Variants in KAZN observed in about 807,000 individuals in gnomAD.
KAZN encodes the protein kazrin, periplakin interacting protein, also known as kazrin.
In KAZN, 40 loss-of-function variants were observed where a neutral mutation model predicts 87.4. That is an observed-to-expected ratio of 0.46 (90% CI 0.36 to 0.60). KAZN has a LOEUF of 0.60. Among genes scored for constraint, KAZN ranks in the 20% least tolerant of loss-of-function variants. The probability of loss-of-function intolerance (pLI) is 0.00; values close to 1 mark genes in which losing one functional copy is unlikely to be tolerated. For missense variants in KAZN, 898 were observed against 1,073.9 expected (o/e 0.84, Z 2.29); for synonymous variants, 466 against 458.3 (o/e 1.02, Z -0.22).
chr1:14,623,478 A>G (rs1451425951), intron 1 of KAZN, among the ~76,000 whole-genome samples: 2 of 152,220 alleles, frequency 1.3e-5, no homozygotes, highest in Non-Finnish European at 2.9e-5. Context: ...AGGGTGGAGG[A>G]TCGGAGGAGG....
chr1:14,826,905 G>A (rs114705177), intron 1 of KAZN, among the ~76,000 whole-genome samples: 19 of 152,170 alleles, frequency 1.2e-4, no homozygotes, highest in African/African-American at 4.1e-4. Context: ...CAGACCAAAT[G>A]GGGTTCAGAT....
At chr1:14,801,654 G>T (rs1373429322) in intron 1 of KAZN, among the ~76,000 whole-genome samples, 4 of 151,862 alleles carry the variant, frequency 2.6e-5, no homozygotes, top group East Asian at 1.9e-4. Flanking sequence ...GGGCTGCAAG[G>T]TCTCTCCTAA....
intron 1 of KAZN, among the ~76,000 whole-genome samples, chr1:14,630,600 A>G (rs1343220150): frequency 6.6e-6 from 1 of 152,242 alleles, no homozygotes; most frequent in Non-Finnish European, 1.5e-5. Context: ...TGTGGGAGTT[A>G]AATGAGATGC....
intron 1 of KAZN, among the ~76,000 whole-genome samples, chr1:14,762,197 A>G (rs12072781): frequency 0.075 from 11,352 of 152,204 alleles, 864 homozygotes; most frequent in African/African-American, 0.19. Context: ...CAGAGGGCCA[A>G]GGGACTTTGA....
intron 2 of KAZN, among the ~76,000 whole-genome samples, chr1:14,207,480 A>C (rs192221412): frequency 3.9e-5 from 6 of 152,296 alleles, no homozygotes; most frequent in Non-Finnish European, 8.8e-5. Flanking sequence ...CTTGAAATGA[A>C]GGCAGAATTT....
chr1:15,061,995 T>C (rs1440646289), intron 6 of KAZN: 1 of 152,240 alleles, frequency 6.6e-6, no homozygotes, highest in Admixed American at 6.5e-5. Context: ...TGTGGAGTTA[T>C]ACCTACAGCC....
intron 2 of KAZN, among the ~76,000 whole-genome samples, chr1:14,219,253 G>A (rs1442819035): frequency 1.3e-5 from 2 of 152,086 alleles, no homozygotes; most frequent in Non-Finnish European, 2.9e-5. Context: ...ATAAAAGTGA[G>A]GACAAAGATT....
intron 2 of KAZN, among the ~76,000 whole-genome samples, chr1:14,277,769 C>T (rs569232192): frequency 6.6e-6 from 1 of 152,172 alleles, no homozygotes; most frequent in African/African-American, 2.4e-5. Flanking sequence ...TTCATGTCCC[C>T]TCACACCCGT....
chr1:14,374,363 G>A (rs2101026978), intron 2 of KAZN, among the ~76,000 whole-genome samples: 1 of 152,250 alleles, frequency 6.6e-6, no homozygotes, highest in East Asian at 1.9e-4. Context: ...ACGAATGTTT[G>A]GGGGATCAAG....
chr1:15,048,409 C>T lies in KAZN; in HGVS notation c.726+4250C>T, dbSNP rs897240902. On this transcript the variant is annotated intron_variant, in intron 4 of 14. Transcript: ENST00000376030. ...TGTAACCACACTGGCCCCAAGGGAC[C>T]GCATGTGTGTGTATGTGTGTGTGTG... 3.4e-5 allele frequency among the ~76,000 whole-genome samples: 5 copies of T among 146,426 alleles called. No individual in the cohort carries two copies. In the East Asian group the frequency reaches 7.2e-4, roughly 21 times the overall value.
Position 14,861,128 on chromosome 1 carries a change from AG to A in KAZN, c.227-99555del, listed in dbSNP as rs1196467745. ...TGCAGTGGCTCATGCCTGTAATCTC[AG>A]CACTTTGAGAGGCCAAGGTGGGCAG... On this transcript the variant is annotated intron_variant, in intron 1 of 14. Transcript: ENST00000376030. Among the ~76,000 whole-genome samples, 6 of 152,354 alleles carry A rather than the reference AG, an allele frequency of 3.9e-5. 1 individual carries two copies. In the East Asian group the frequency reaches 9.6e-4, roughly 24 times the overall value.
intron 2 of KAZN, among the ~76,000 whole-genome samples, chr1:14,972,796 G>T (rs544031082): frequency 9.6e-4 from 146 of 152,150 alleles, no homozygotes; most frequent in African/African-American, 3.3e-3. Context: ...ATTACAGGCG[G>T]GAGCCGCTGT....
At chr1:14,403,486 CCA>C (rs1325591045) in intron 2 of KAZN, among the ~76,000 whole-genome samples, 2 of 151,896 alleles carry the variant, frequency 1.3e-5, no homozygotes, top group Non-Finnish European at 2.9e-5. Context: ...GAAAGACAAA[CCA>C]CAGACTCGAA....
chr1:14,129,058 C>T lies in KAZN; in HGVS notation c.92-51377C>T, dbSNP rs138948213. ...TATGGACTCACTTCCCTTGCTCAACCAAGGCCTCCTAAAAGGCACTGATTT... is the reference window on the plus strand; with the variant it reads ...TATGGACTCACTTCCCTTGCTCAACTAAGGCCTCCTAAAAGGCACTGATTT... On this transcript the variant is annotated intron_variant, in intron 1 of 16. Coordinates refer to the KAZN transcript ENST00000636203. 1.2e-3 allele frequency among the ~76,000 whole-genome samples: 182 copies of T among 152,294 alleles called. 2 individuals carry two copies. In the South Asian group the frequency reaches 0.018, roughly 15 times the overall value.
chr1:14,861,454 C>T (rs189889651), intron 1 of KAZN, among the ~76,000 whole-genome samples: 1 of 152,180 alleles, frequency 6.6e-6, no homozygotes, highest in African/African-American at 2.4e-5. Context: ...GTAGGAACAA[C>T]AATGGGATGT....
intron 1 of KAZN, among the ~76,000 whole-genome samples, chr1:13,946,939 A>G (rs1192436763): frequency 6.6e-6 from 1 of 152,164 alleles, no homozygotes; most frequent in Admixed American, 6.5e-5. Context: ...TCCAAAATTA[A>G]GGTATCAGTG....
chr1:14,041,884 G>T (rs1202465193), intron 1 of KAZN, among the ~76,000 whole-genome samples: 7 of 152,118 alleles, frequency 4.6e-5, no homozygotes, highest in African/African-American at 7.2e-5. Flanking sequence ...CAATTCTGAA[G>T]GTATTGTTTA....
chr1:14,394,084 G>C (rs1005126246), intron 2 of KAZN, among the ~76,000 whole-genome samples: 7 of 152,200 alleles, frequency 4.6e-5, no homozygotes, highest in African/African-American at 1.7e-4. Context: ...CAAATGGGCA[G>C]GACGGAAGAA....
At chr1:14,034,511 C>T (rs1210935182) in intron 1 of KAZN, among the ~76,000 whole-genome samples, 1 of 152,186 alleles carries the variant, frequency 6.6e-6, no homozygotes, top group Non-Finnish European at 1.5e-5. Context: ...CGAGCTGGGT[C>T]ACGCACAATT....
Sources: gnomAD v4.1 joint callset for allele counts (sites outside exome capture counted in the v4.1 genomes callset) on GRCh38, gnomAD v4.1.1 for gene constraint, MANE v1.5 for transcripts, NCBI Gene and HGNC (gene_info 2026-07-23, HGNC 2026-07-21) for gene names.